DNAJC16: variants seen among roughly 807,000 people sequenced by gnomAD.
DNAJC16 encodes the protein DnaJ heat shock protein family (Hsp40) member C16.
A neutral mutation model predicts 92.7 loss-of-function variants in DNAJC16; 76 were observed. The observed-to-expected ratio is 0.82, with a 90% CI of 0.68 to 0.99. The LOEUF is 0.99. DNAJC16 is among the 50% of genes least tolerant of loss of function. The pLI, the probability that DNAJC16 is intolerant of heterozygous loss-of-function variation, is 0.00. For missense variants in DNAJC16, 869 were observed against 942.4 expected, an observed-to-expected ratio of 0.92 and a Z score of 1.02; for synonymous variants, 328 against 358.7, an observed-to-expected ratio of 0.91 and a Z score of 0.97.
Position 15,565,831 on chromosome 1 carries a change from T to G in DNAJC16, c.1599-88T>G, listed in dbSNP as rs2103428595. Reference sequence around the variant, plus strand: ...AGTAAGCGTTTATTGGTGTGAAGAGTTTTTGGTTTGGGATTTTTATTTTAT... The same window carrying G: ...AGTAAGCGTTTATTGGTGTGAAGAGGTTTTGGTTTGGGATTTTTATTTTAT... On this transcript the variant is annotated intron_variant, in intron 11 of 14. Coordinates refer to ENST00000375847, the MANE Select transcript of DNAJC16 (RefSeq NM_015291.4). 3.0e-6 allele frequency: 4 copies of G among 1,320,738 alleles called. No individual in the cohort carries two copies. The East Asian group carries it at 6.9e-5, about 23-fold the overall frequency. The allele number at this position is 1,320,738 out of a possible 1,614,324, so 81.8% of individuals were successfully genotyped here.
At chr1:15,546,892 A>T in intron 6 of DNAJC16, 21 bp downstream of exon 6, 25 of 1,409,172 alleles carry the variant, frequency 1.8e-5, no homozygotes, top group Non-Finnish European at 2.2e-5. Context: ...TGCTAGGATA[A>T]TGGTTTCTTT....
chr1:15,547,498 A>G, intron 6 of DNAJC16, among the ~76,000 whole-genome samples: 1 of 147,056 alleles, frequency 6.8e-6, no homozygotes, highest in East Asian at 2.0e-4. Context: ...GCTGGAGTGC[A>G]GTGGTGTGAT....
At position 15,569,646 on chromosome 1, in the gene DNAJC16, T is replaced by C. The variant is rs1638904060; in HGVS notation, c.*1469T>C. ...CTAAGTATTTCTTTTTTTTTTTTTT[T>C]TTTTAGTTGTTGAGACAGAGTTTCA... On this transcript the variant is annotated 3_prime_UTR_variant, in exon 15 of 15. Transcript: ENST00000375847. 6.6e-6 allele frequency: 1 copy of C among 151,308 alleles called. No homozygotes were observed. Among genetic ancestry groups the C allele is most frequent in the Non-Finnish European group, 1.5e-5 (1 of 67,794 alleles). 9.4% of individuals were successfully genotyped at this position (151,308 alleles called of 1,614,324 possible).
At chr1:15,560,638 GTGTCTA>G (rs1282009802) in intron 8 of DNAJC16, among the ~76,000 whole-genome samples, 7 of 152,104 alleles carry the variant, frequency 4.6e-5, no homozygotes, top group Non-Finnish European at 8.8e-5. Flanking sequence ...ATTTCCCTGT[GTGTCTA>G]GGCTTTTCAG....
intron 2 of DNAJC16, among the ~76,000 whole-genome samples, chr1:15,532,811 T>G (rs188326292): frequency 2.6e-5 from 4 of 152,178 alleles, no homozygotes; most frequent in African/African-American, 9.6e-5. Context: ...CTAATACTCA[T>G]AGCAAGGATT....
At chr1:15,537,082 C>T (rs1038145787) in intron 4 of DNAJC16, among the ~76,000 whole-genome samples, 2 of 152,182 alleles carry the variant, frequency 1.3e-5, no homozygotes, top group Non-Finnish European at 2.9e-5. Context: ...AACTCCTGAC[C>T]TCAAGTGATC....
Position 15,548,250 on chromosome 1 carries a change from T to G in DNAJC16, c.865-20T>G. 1.2e-6 allele frequency: 2 copies of G among 1,606,198 alleles called. No individual in the cohort carries two copies. The highest frequency in any genetic ancestry group is 1.7e-6 in the Non-Finnish European group (2 of 1,176,224). Reference sequence around the variant, plus strand: ...CTTTGCTGTAGTTTTATTTTCTTCCTCTCTATTATGCCCTAACAGTTGACT... The same window carrying G: ...CTTTGCTGTAGTTTTATTTTCTTCCGCTCTATTATGCCCTAACAGTTGACT... On this transcript the variant is annotated intron_variant, in intron 6 of 14. Coordinates refer to ENST00000375847, the MANE Select transcript of DNAJC16 (RefSeq NM_015291.4).
chr1:15,560,865 C>G (rs868684021), intron 8 of DNAJC16, among the ~76,000 whole-genome samples: 56 of 152,140 alleles, frequency 3.7e-4, no homozygotes, highest in African/African-American at 1.3e-3. Context: ...TCTCTCTGCT[C>G]CATTCCACTC....
In DNAJC16 at chr1:15,567,252, G is replaced by A; in HGVS notation, c.1932G>A (p.Glu644=). ...KTSLLQKFAL[E]VYTFTGSSCL... is the part of the protein sequence containing the mutation. ...GCCTACTACAGAAATTTGCTTTGGA[G>A]GTCTACACATTTACTGGGTAAGCAT... Residue 644 remains glutamate (E), a synonymous_variant, in exon 14 of 15, where the codon GAG becomes GAA. Transcript: ENST00000375847. 1 of 1,613,810 alleles carries A rather than the reference G, an allele frequency of 6.2e-7. No individual in the cohort carries two copies. The highest frequency in any genetic ancestry group is 8.5e-7 in the Non-Finnish European group (1 of 1,179,748).
rs377391712 is a variant in DNAJC16, at chr1:15,559,569, G to A, written c.1067G>A (p.Arg356Gln). 3.0e-5 allele frequency: 48 copies of A among 1,613,934 alleles called. No homozygotes were observed. Among genetic ancestry groups the A allele is most frequent in the Middle Eastern group, 1.6e-4 (1 of 6,082 alleles). The change falls in exon 8 of 15, where the codon CGA (arginine) becomes CAA (glutamine). Residue 356 changes from arginine (R) to glutamine (Q), a missense_variant. Coordinates refer to ENST00000375847, the MANE Select transcript of DNAJC16 (RefSeq NM_015291.4). ...CAAATCATTGACGACTTCATCACCCGAAACAAATATCTATTGGCAGCCAGG... is the reference window on the plus strand; with the variant it reads ...CAAATCATTGACGACTTCATCACCCAAAACAAATATCTATTGGCAGCCAGG... ...KKQIIDDFITRNKYLLAARLT... is the reference protein window; with the variant it reads ...KKQIIDDFITQNKYLLAARLT...
intron 4 of DNAJC16, among the ~76,000 whole-genome samples, chr1:15,541,541 G>C (rs1441383123): frequency 2.6e-5 from 4 of 152,148 alleles, no homozygotes; most frequent in African/African-American, 7.2e-5. Flanking sequence ...GCCCTTGAGA[G>C]ACTGCAACAG....
intron 9 of DNAJC16, among the ~76,000 whole-genome samples, chr1:15,562,661 A>T: frequency 6.6e-6 from 1 of 150,672 alleles, no homozygotes; most frequent in African/African-American, 2.4e-5. Flanking sequence ...AATTTTTTGT[A>T]TTTTTTTGTA....
chr1:15,536,326 C>T (rs544015994), intron 3 of DNAJC16, 149 bp from the exon 4 acceptor site: 47 of 605,238 alleles, frequency 7.8e-5, no homozygotes, highest in Admixed American at 2.7e-4. Context: ...GTGATCCACC[C>T]GCCTCAGCCT....
Position 15,568,954 on chromosome 1 carries a change from A to G in DNAJC16, c.*777A>G, listed in dbSNP as rs530195449. ...CTGCACAGCGAGAAGTACTGTGATG[A>G]CTTTGAGCCGTTGACATGTATGTCT... On this transcript the variant is annotated 3_prime_UTR_variant, in exon 15 of 15. Coordinates refer to ENST00000375847, the MANE Select transcript of DNAJC16 (RefSeq NM_015291.4). 27 of 365,480 alleles carry G rather than the reference A, an allele frequency of 7.4e-5. No homozygotes were observed. Among genetic ancestry groups the G allele is most frequent in the African/African-American group, 5.6e-4 (27 of 48,174 alleles). The allele number at this position is 365,480 out of a possible 1,614,324, so 22.6% of individuals were successfully genotyped here. A position where few individuals can be genotyped will look rare whatever the true frequency, so the allele number is the denominator to read the frequency against.
intron 7 of DNAJC16, among the ~76,000 whole-genome samples, chr1:15,551,786 A>T (rs1234564220): frequency 1.3e-5 from 2 of 151,804 alleles, no homozygotes; most frequent in African/African-American, 2.4e-5. Context: ...TTTTTTAAAA[A>T]ATTTTTTTTG....
intron 4 of DNAJC16, among the ~76,000 whole-genome samples, chr1:15,543,437 C>T (rs1710981356): frequency 6.6e-6 from 1 of 152,198 alleles, no homozygotes; most frequent in African/African-American, 2.4e-5. Flanking sequence ...ACGCTGGGGA[C>T]TGGCGCAGGC....
At position 15,567,172 on chromosome 1, in the gene DNAJC16, CT is replaced by C; in HGVS notation, c.1853del (p.Leu618ArgfsTer6). The stretch of plus-strand genomic sequence containing the variant: ...AACATACACCAGTAACTTGGTACGT[CT>C]GAGGCCAGGCCACATGAATGTGGTC... ...DVTYTSNLVR[L>X]RPGHMNVVLI... is the part of the protein sequence containing the mutation. On this transcript the variant is annotated frameshift_variant, in exon 14 of 15. Transcript: ENST00000375847. LOFTEE classifies it high-confidence loss of function. 6.2e-7 allele frequency: 1 copy of C among 1,614,122 alleles called. No homozygotes were observed. Among genetic ancestry groups the C allele is most frequent in the Non-Finnish European group, 8.5e-7 (1 of 1,179,976 alleles).
intron 7 of DNAJC16, among the ~76,000 whole-genome samples, chr1:15,559,252 T>A (rs1458214978): frequency 1.3e-5 from 2 of 152,212 alleles, no homozygotes; most frequent in Non-Finnish European, 2.9e-5. Flanking sequence ...CTGACTTTTT[T>A]AATTTGTCAG....
At chr1:15,566,247 C>G in intron 13 of DNAJC16, 67 bp downstream of exon 13, 1 of 1,283,688 alleles carries the variant, frequency 7.8e-7, no homozygotes, top group South Asian at 1.2e-5. Context: ...CATCTGATAA[C>G]GCAGCATTGG....
Sources: gnomAD v4.1 joint callset for allele counts (sites outside exome capture counted in the v4.1 genomes callset) on GRCh38, gnomAD v4.1.1 for gene constraint, MANE v1.5 for transcripts, NCBI Gene and HGNC (gene_info 2026-07-23, HGNC 2026-07-21) for gene names.